The following UNC13B variants were observed in gnomAD, a reference collection of about 807,000 sequenced individuals.
The protein encoded by UNC13B is unc-13 homolog B, also known as protein unc-13 homolog B.
Under a neutral mutation model 211.0 loss-of-function variants are expected in UNC13B, and 144 were observed. The ratio of observed to expected loss-of-function variants is 0.68; its 90% CI spans 0.60 to 0.78. The LOEUF (loss-of-function observed/expected upper bound fraction) is 0.78, where lower values mean the gene tolerates loss of function less well. Among genes scored for constraint, UNC13B ranks in the 30% least tolerant of loss-of-function variants. The pLI, the probability that UNC13B is intolerant of heterozygous loss-of-function variation, is 0.00. For synonymous variants in UNC13B, 709 were observed against 725.8 expected, an observed-to-expected ratio of 0.98 and a Z score of 0.37; for missense variants, 1,777 against 2,002.0, an observed-to-expected ratio of 0.89 and a Z score of 2.14.
chr9:35,346,989 C>T (rs1421718151), intron 11 of UNC13B, among the ~76,000 whole-genome samples: 1 of 151,870 alleles, frequency 6.6e-6, no homozygotes, highest in Non-Finnish European at 1.5e-5. Context: ...CAGCCTCAAC[C>T]TCCTGTGCTC....
chr9:35,366,996 A>G lies in UNC13B; in HGVS notation c.9461+3A>G, dbSNP rs888284660. 3 of 1,613,050 alleles carry G rather than the reference A, an allele frequency of 1.9e-6. No homozygotes were observed. The highest frequency in any genetic ancestry group is 2.5e-6 in the Non-Finnish European group (3 of 1,179,154). On this transcript the variant is annotated splice_donor_region_variant and intron_variant, in intron 12 of 39. Transcript: ENST00000635942. ...CTGCCTCAGTGGCTCCCGGAAGGGT[A>G]AGTAATTCACTGCAAGGTTTCTGTG... is the stretch of plus-strand genomic sequence containing the variant.
chr9:35,233,340 A>C (rs1437224898), intron 3 of UNC13B, among the ~76,000 whole-genome samples: 2 of 152,156 alleles, frequency 1.3e-5, no homozygotes, highest in Non-Finnish European at 2.9e-5. Context: ...AATTTCCCAT[A>C]GCACTTCCCC....
At chr9:35,288,391 A>C (rs1280102984) in intron 7 of UNC13B, among the ~76,000 whole-genome samples, 2 of 152,134 alleles carry the variant, frequency 1.3e-5, no homozygotes, top group African/African-American at 4.8e-5. Context: ...GTTCTTTCAT[A>C]ACTCTGTAGC....
intron 11 of UNC13B, among the ~76,000 whole-genome samples, chr9:35,336,254 G>A (rs1831649499): frequency 3.3e-5 from 5 of 151,874 alleles, no homozygotes; most frequent in Admixed American, 1.3e-4. Flanking sequence ...TGTTCAAACC[G>A]TACTTACCAT....
intron 1 of UNC13B, among the ~76,000 whole-genome samples, chr9:35,221,565 T>TG (rs932960198): frequency 2.0e-5 from 3 of 152,238 alleles, no homozygotes; most frequent in African/African-American, 7.2e-5. Context: ...TTTTCTTTGC[T>TG]GTGCTGAAGA....
chr9:35,252,141 A>G (rs1005665794), intron 6 of UNC13B, among the ~76,000 whole-genome samples: 6 of 152,124 alleles, frequency 3.9e-5, no homozygotes, highest in African/African-American at 1.4e-4. Flanking sequence ...AAGTGCATCT[A>G]TTAGTTTGAA....
chr9:35,239,672 A>G (rs561263364), intron 5 of UNC13B, among the ~76,000 whole-genome samples: 1 of 152,248 alleles, frequency 6.6e-6, no homozygotes, highest in African/African-American at 2.4e-5. Flanking sequence ...TTCATCCCTT[A>G]TCTACAACCG....
At chr9:35,399,321 C>G in intron 34 of UNC13B, 37 bp downstream of exon 34, 1 of 1,614,128 alleles carries the variant, frequency 6.2e-7, no homozygotes, top group Non-Finnish European at 8.5e-7. Flanking sequence ...CTGCTGTCTC[C>G]CTTCCCCTCA....
chr9:35,203,410 T>G (rs1406247402), intron 1 of UNC13B, among the ~76,000 whole-genome samples: 1 of 152,212 alleles, frequency 6.6e-6, no homozygotes, highest in Non-Finnish European at 1.5e-5. Flanking sequence ...TCTCCTTCAC[T>G]TATGAAGCTT....
In UNC13B at chr9:35,386,156, A is replaced by G. The variant is rs747635875; in HGVS notation, c.10966-9A>G. The G allele has an allele frequency of 6.2e-7, 1 of 1,614,066 alleles. No homozygotes were observed. The highest frequency in any genetic ancestry group is 1.1e-5 in the South Asian group (1 of 91,074). ...TCCTTGGGCCCATATTTCTTCTTTT[A>G]ATTGGCAGGTACAAGAACTGCAAAG... On this transcript the variant is annotated splice_polypyrimidine_tract_variant and intron_variant, in intron 23 of 39. Transcript: ENST00000635942.
In UNC13B at chr9:35,399,669, AAC is replaced by A; in HGVS notation, c.12279_12280del (p.Arg4094GlufsTer11). The A allele has an allele frequency of 3.7e-6, 6 of 1,614,090 alleles. No individual in the cohort carries two copies. The highest frequency in any genetic ancestry group is 4.2e-6 in the Non-Finnish European group (5 of 1,180,002). ...AACAGGATCACATGGTACGAGAGGAAACACGGAATCTCACTCCAAAGCAGTGT... is the reference window on the plus strand; with the variant it reads ...AACAGGATCACATGGTACGAGAGGAAACGGAATCTCACTCCAAAGCAGTGT... ...KLKDHMVREE[T>X]RNLTPKQCAV... On this transcript the variant is annotated frameshift_variant, in exon 36 of 40. Coordinates refer to ENST00000635942, the MANE Select transcript of UNC13B (RefSeq NM_001371189.2). LOFTEE classifies it high-confidence loss of function.
Position 35,295,676 on chromosome 9 carries a change from T to G in UNC13B, c.527-20T>G, listed in dbSNP as rs747713832. On this transcript the variant is annotated intron_variant, in intron 7 of 39. Transcript: ENST00000635942. ...CTAAATAAAGCTGGGGTGCTTTGAT[T>G]GAATGTGCTTATTCCATAGCTTTTG... 1.2e-6 allele frequency: 2 copies of G among 1,608,982 alleles called. No homozygotes were observed. Among genetic ancestry groups the G allele is most frequent in the South Asian group, 2.2e-5 (2 of 90,940 alleles).
intron 11 of UNC13B, among the ~76,000 whole-genome samples, chr9:35,364,976 G>A (rs749311631): frequency 4.6e-5 from 7 of 152,188 alleles, no homozygotes; most frequent in Non-Finnish European, 8.8e-5. Context: ...AGCCCAGCAC[G>A]CATGTGTACT....
At chr9:35,334,636 C>G (rs968228594) in intron 11 of UNC13B, among the ~76,000 whole-genome samples, 1 of 152,176 alleles carries the variant, frequency 6.6e-6, no homozygotes, top group Admixed American at 6.5e-5. Context: ...GGCTTTAAAT[C>G]CTTTGCTAGA....
rs1272909050 is a variant in UNC13B, at chr9:35,366,960, G to C, written c.9428G>C (p.Gly3143Ala). The C allele has an allele frequency of 6.2e-7, 1 of 1,613,898 alleles. No homozygotes were observed. Among genetic ancestry groups the C allele is most frequent in the Middle Eastern group, 1.7e-4 (1 of 6,060 alleles). The change falls in exon 12 of 40, where the codon GGT (glycine) becomes GCT (alanine). Residue 3143 changes from glycine (G) to alanine (A), a missense_variant. Gly to Ala is a moderately conservative substitution (Grantham distance 60). Coordinates refer to ENST00000635942, the MANE Select transcript of UNC13B (RefSeq NM_001371189.2). ...CTCTTTTTAAAGATTCCAGATGATG[G>C]TGACCCCTCTCTGCCTCAGTGGCTC... ...RLQLQEIPDD[G>A]DPSLPQWLPE...
chr9:35,274,761 G>A (rs1212060053), intron 7 of UNC13B, among the ~76,000 whole-genome samples: 2 of 152,134 alleles, frequency 1.3e-5, no homozygotes, highest in Admixed American at 6.5e-5. Context: ...TAATATGTAT[G>A]CTGTTCACTT....
intron 11 of UNC13B, chr9:35,353,473 G>A (rs1832845629): frequency 8.1e-7 from 1 of 1,232,272 alleles, no homozygotes; most frequent in South Asian, 4.1e-5. Context: ...GGAGTCAGGG[G>A]AGTGAAAGCT....
At position 35,299,483 on chromosome 9, in the gene UNC13B, A is replaced by G. The variant is rs369516420; in HGVS notation, c.762-683A>G. On this transcript the variant is annotated intron_variant, in intron 8 of 39. Transcript: ENST00000635942. ...ATCCCTTGATATATTTTGCTGGTAT[A>G]CTTTAATATTGCAAATACATTCTAG... 7.3e-4 allele frequency among the ~76,000 whole-genome samples: 111 copies of G among 152,328 alleles called. 1 individual carries two copies. In the South Asian group the frequency reaches 0.018, roughly 25 times the overall value.
At chr9:35,170,815 C>CT (rs760467223) in intron 1 of UNC13B, among the ~76,000 whole-genome samples, 25 of 150,486 alleles carry the variant, frequency 1.7e-4, no homozygotes, top group African/African-American at 5.4e-4. Flanking sequence ...TATACCTTCT[C>CT]TTTTTTTTTG....
Sources: allele counts gnomAD v4.1 joint callset (sites outside exome capture counted in the v4.1 genomes callset), GRCh38; gene constraint gnomAD v4.1.1; transcripts MANE v1.5; gene names NCBI Gene and HGNC (gene_info 2026-07-23, HGNC 2026-07-21).